Variants in RNASEH1 observed in about 807,000 individuals in gnomAD.
The protein encoded by RNASEH1 is ribonuclease H type II.
RNASEH1 carries 27 observed loss-of-function variants against 34.6 expected under a neutral mutation model. The observed-to-expected ratio is 0.78, with a 90% CI of 0.58 to 1.08. The LOEUF is 1.08. RNASEH1 is among the 50% of genes least tolerant of loss of function. RNASEH1 has a pLI of 0.00. For missense variants in RNASEH1, 349 were observed against 373.6 expected, an observed-to-expected ratio of 0.93 and a Z score of 0.54; for synonymous variants, 162 against 138.4, an observed-to-expected ratio of 1.17 and a Z score of -1.20.
downstream of RNASEH1, among the ~76,000 whole-genome samples, chr2:3,536,503 G>A (rs1667996062): frequency 6.6e-6 from 1 of 152,132 alleles, no homozygotes; most frequent in African/African-American, 2.4e-5. Context: ...AGCCTGCTTG[G>A]GGAAACCCAC....
chr2:3,552,860 G>T (rs1184662038), intron 2 of RNASEH1, among the ~76,000 whole-genome samples: 1 of 152,078 alleles, frequency 6.6e-6, no homozygotes, highest in Non-Finnish European at 1.5e-5. Context: ...AAAAAGATGA[G>T]TTGTGTCCAT....
downstream of RNASEH1, among the ~76,000 whole-genome samples, chr2:3,538,696 G>A (rs1373449236): frequency 6.6e-6 from 1 of 152,056 alleles, no homozygotes; most frequent in Non-Finnish European, 1.5e-5. Flanking sequence ...TTAAAAACCT[G>A]GTCATCTTTT....
In RNASEH1 at chr2:3,556,878, C is replaced by G; in HGVS notation, c.155G>C (p.Arg52Pro). 1.2e-6 allele frequency: 2 copies of G among 1,613,974 alleles called. No individual in the cohort carries two copies. Among genetic ancestry groups the G allele is most frequent in the African/African-American group, 2.7e-5 (2 of 75,056 alleles). Residue 52 changes from arginine to proline, a missense_variant, in exon 2 of 8, where the codon CGG (arginine) becomes CCG (proline). Arg to Pro is a moderately radical substitution (Grantham distance 103). Around this residue, in one of 2 missense-constraint regions of RNASEH1, gnomAD observed 256 missense variants for 240.7 expected, o/e 1.06. Coordinates refer to ENST00000315212, the MANE Select transcript of RNASEH1 (RefSeq NM_002936.6). ...CTTCTTAAATCTGGCAGCAGGAAAC[C>G]GGTCCACCTGTGCTCTGCACTCATT... ...TWNECRAQVD[R>P]FPAARFKKFA...
the RNASEH1 span, among the ~76,000 whole-genome samples, chr2:3,535,685 T>C: frequency 6.6e-6 from 1 of 151,990 alleles, no homozygotes; most frequent in Non-Finnish European, 1.5e-5. Context: ...GGAATTTGCA[T>C]TTTATTCTGA....
rs1324092845 is a variant in RNASEH1, at chr2:3,555,406, C to T, written c.244+1383G>A. 2.6e-5 allele frequency among the ~76,000 whole-genome samples: 4 copies of T among 152,306 alleles called. No homozygotes were observed. The East Asian group carries it at 7.7e-4, about 29-fold the overall frequency. ...TCGATGAGCCTTTTTCACGTGTCCT[C>T]ATTCTCAAACAGAATCTCCTTTAAA... On this transcript the variant is annotated intron_variant, in intron 2 of 7. Transcript: ENST00000315212.
At chr2:3,550,186 A>T in intron 4 of RNASEH1, 187 bp downstream of exon 4, 3 of 506,202 alleles carry the variant, frequency 5.9e-6, no homozygotes, top group Non-Finnish European at 1.1e-5. Context: ...AGTAAAGCTG[A>T]GGTACCTCAC....
At chr2:3,558,007 C>T in intron 1 of RNASEH1, 126 bp downstream of exon 1, 3 of 1,480,922 alleles carry the variant, frequency 2.0e-6, no homozygotes, top group Admixed American at 2.3e-5. Context: ...GTCCCCCGAC[C>T]ACCCACAGCC....
chr2:3,553,109 G>A (rs900111944), intron 2 of RNASEH1, among the ~76,000 whole-genome samples: 4 of 151,978 alleles, frequency 2.6e-5, no homozygotes, highest in African/African-American at 7.2e-5. Context: ...TTAGCCAGGC[G>A]TGATGGCGGG....
chr2:3,549,836 C>T (rs1669107998), intron 4 of RNASEH1, among the ~76,000 whole-genome samples: 1 of 151,790 alleles, frequency 6.6e-6, no homozygotes, highest in African/African-American at 2.4e-5. Flanking sequence ...GTCCCAGCTA[C>T]TCGGGAGGGT....
In RNASEH1 at chr2:3,549,111, TTC is replaced by T. The variant is rs1669040083; in HGVS notation, c.510-1_510del. 1 of 1,612,156 alleles carries T rather than the reference TTC, an allele frequency of 6.2e-7. No homozygotes were observed. Among genetic ancestry groups the T allele is most frequent in the East Asian group, 2.2e-5 (1 of 44,866 alleles). On this transcript the variant is annotated splice_acceptor_variant and coding_sequence_variant, in exon 5 of 8. Transcript: ENST00000315212. LOFTEE classifies it high-confidence loss of function. ...CGCCCAGGAAGTCTAATGCCTACAT[TTC>T]TGTTTCAAAACAGTACAAAAGAAAA...
At chr2:3,539,933 TTTTC>T (rs1668201834), downstream of RNASEH1, among the ~76,000 whole-genome samples, 1 of 152,112 alleles carries the variant, frequency 6.6e-6, no homozygotes, top group African/African-American at 2.4e-5. Flanking sequence ...CAGGAGGGCT[TTTTC>T]TTTCTCGTTT....
intron 6 of RNASEH1, 63 bp from the exon 7 acceptor site, chr2:3,548,118 GTC>G: frequency 6.3e-7 from 1 of 1,581,416 alleles, no homozygotes; most frequent in East Asian, 2.2e-5. Context: ...CACCTCCTTA[GTC>G]TTACCTCTTA....
downstream of RNASEH1, among the ~76,000 whole-genome samples, chr2:3,538,281 C>G (rs1033167365): frequency 2.0e-5 from 3 of 150,970 alleles, no homozygotes; most frequent in African/African-American, 7.3e-5. Context: ...GAACCCAGGA[C>G]GCAGAGGTTG....
Position 3,548,722 on chromosome 2 carries a change from T to C in RNASEH1, c.567A>G (p.Ala189=), listed in dbSNP as rs761268646. Residue 189 remains alanine (A), a splice_region_variant and synonymous_variant, in exon 6 of 8, where the codon GCA becomes GCG. Coordinates refer to ENST00000315212, the MANE Select transcript of RNASEH1 (RefSeq NM_002936.6). ...RQTNQRAEIH[A]ACKAIEQAKT... ...TTGCTTGTTCAATGGCTTTGCAGGC[T>C]GCCTTGAAAAGACAAGTCGATAGTC... The C allele has an allele frequency of 3.1e-6, 5 of 1,611,882 alleles. No individual in the cohort carries two copies. The highest frequency in any genetic ancestry group is 2.5e-6 in the Non-Finnish European group (3 of 1,178,212).
chr2:3,549,038 A>G lies in RNASEH1; in HGVS notation c.564+20T>C, dbSNP rs1337483023. ...CTCAATGCTCAAAAAAGAGAGGCTT[A>G]AACGTATCTGATAACTTACATGAAT... On this transcript the variant is annotated intron_variant, in intron 5 of 7. Coordinates refer to ENST00000315212, the MANE Select transcript of RNASEH1 (RefSeq NM_002936.6). 6.2e-7 allele frequency: 1 copy of G among 1,601,694 alleles called. No individual in the cohort carries two copies.
intron 2 of RNASEH1, 42 bp from the exon 3 acceptor site, chr2:3,552,350 A>G (rs991992897): frequency 1.0e-5 from 16 of 1,567,658 alleles, no homozygotes; most frequent in East Asian, 9.0e-5. Flanking sequence ...AACAATGAAC[A>G]TAACACGAAA....
chr2:3,539,528 T>C (rs550194294), downstream of RNASEH1, among the ~76,000 whole-genome samples: 3 of 152,340 alleles, frequency 2.0e-5, no homozygotes, highest in East Asian at 3.9e-4. Context: ...TTGAACGAGC[T>C]GGCCAGCATA....
At chr2:3,538,018 C>T (rs930622516), downstream of RNASEH1, among the ~76,000 whole-genome samples, 3 of 131,648 alleles carry the variant, frequency 2.3e-5, no homozygotes, top group Admixed American at 1.4e-4. Flanking sequence ...GCCTGGCCAA[C>T]AAGAGCGAAA....
rs920891835 is a variant in RNASEH1 at position 3,543,368 on chromosome 2, G to A, written c.*2417C>T. On this transcript the variant is annotated 3_prime_UTR_variant, in exon 8 of 8. Transcript: ENST00000315212. The stretch of plus-strand genomic sequence containing the variant: ...AACTTGTCTAAAGTTTTTCTTTTAA[G>A]ACAGGTTTGGAGCAGAAGCTCTATA... Among the ~76,000 whole-genome samples, 2 of 152,180 alleles carry A rather than the reference G, an allele frequency of 1.3e-5. No individual in the cohort carries two copies. The highest frequency in any genetic ancestry group is 6.5e-5 in the Admixed American group (1 of 15,270).
Sources: gnomAD v4.1 joint callset for allele counts (sites outside exome capture counted in the v4.1 genomes callset) on GRCh38, gnomAD v4.1.1 for gene constraint, gnomAD v4.1.1 regional missense constraint, MANE v1.5 for transcripts, NCBI Gene and HGNC (gene_info 2026-07-23, HGNC 2026-07-21) for gene names.